The following PTPRD variants were observed in gnomAD, a reference collection of about 807,000 sequenced individuals.
The protein encoded by PTPRD is protein tyrosine phosphatase receptor type D.
Under a neutral mutation model 214.5 loss-of-function variants are expected in PTPRD, and 34 were observed. The observed-to-expected ratio is 0.16, with a 90% confidence interval of 0.12 to 0.21. PTPRD has a LOEUF of 0.21. Among genes scored for constraint, PTPRD ranks in the 10% least tolerant of loss-of-function variants. The pLI, the probability that PTPRD is intolerant of heterozygous loss-of-function variation, is 1.00. For missense variants in PTPRD, 2,545 were observed against 2,398.7 expected (o/e 1.06, Z -1.27); for synonymous variants, 1,128 against 845.7 (o/e 1.33, Z -5.79).
At chr9:8,769,967 CTA>C (rs1451049224) in intron 11 of PTPRD, among the ~76,000 whole-genome samples, 1 of 152,134 alleles carries the variant, frequency 6.6e-6, no homozygotes, top group Non-Finnish European at 1.5e-5. Context: ...GCTAAGACAG[CTA>C]TGAGTGAAAA....
chr9:10,483,224 T>C (rs751729953), intron 2 of PTPRD, among the ~76,000 whole-genome samples: 8 of 152,132 alleles, frequency 5.3e-5, no homozygotes, highest in Non-Finnish European at 8.8e-5. Context: ...GAAAATTGGA[T>C]AGCCACGTGT....
intron 3 of PTPRD, among the ~76,000 whole-genome samples, chr9:10,255,359 T>C (rs760837065): frequency 1.6e-4 from 24 of 152,316 alleles, no homozygotes; most frequent in Non-Finnish European, 2.9e-4. Context: ...TATAGCATGT[T>C]AATACTGAAT....
intron 17 of PTPRD, 198 bp from the exon 18 acceptor site, chr9:8,525,233 T>A (rs2073781984): frequency 1.4e-6 from 1 of 705,670 alleles, no homozygotes. Context: ...TTTTTTTACA[T>A]CATCAATGCT....
chr9:10,025,466 C>T (rs2096906057), intron 4 of PTPRD, among the ~76,000 whole-genome samples: 1 of 151,826 alleles, frequency 6.6e-6, no homozygotes, highest in Admixed American at 6.6e-5. Flanking sequence ...TGTAGATGTA[C>T]ATAACCATAA....
rs1455539386 is a variant in PTPRD at position 8,725,664 on chromosome 9, T to G, written c.64+8116A>C. Among the ~76,000 whole-genome samples the G allele has an allele frequency of 1.3e-5, 2 of 152,176 alleles. 1 individual carries two copies. The highest frequency in any genetic ancestry group is 1.3e-4 in the Admixed American group (2 of 15,276). On this transcript the variant is annotated intron_variant, in intron 12 of 45. Transcript: ENST00000381196. ...TTTAGTGAATATTTAATCCTATTAT[T>G]CAAAATGCTTTACAAACAGTTATTT...
chr9:9,133,970 G>A (rs2099846833), intron 10 of PTPRD, among the ~76,000 whole-genome samples: 2 of 150,456 alleles, frequency 1.3e-5, no homozygotes, highest in African/African-American at 4.9e-5. Flanking sequence ...TAACATTTGT[G>A]AAATTCCACA....
intron 9 of PTPRD, among the ~76,000 whole-genome samples, chr9:9,253,005 C>T (rs1262767311): frequency 9.2e-5 from 14 of 152,026 alleles, no homozygotes; most frequent in Admixed American, 9.2e-4. Context: ...AGAATTTGCT[C>T]ATCAAGGAAA....
At chr9:8,891,008 G>A (rs923237938) in intron 11 of PTPRD, among the ~76,000 whole-genome samples, 2 of 152,048 alleles carry the variant, frequency 1.3e-5, no homozygotes, top group Non-Finnish European at 2.9e-5. Flanking sequence ...TAAGTCATGG[G>A]GTTTTTGAAG....
chr9:9,882,989 G>T (rs1488441940), intron 5 of PTPRD, among the ~76,000 whole-genome samples: 1 of 152,072 alleles, frequency 6.6e-6, no homozygotes, highest in African/African-American at 2.4e-5. Flanking sequence ...CTATCCCTTT[G>T]CATTCTGCCA....
chr9:8,630,387 C>T (rs1469533676), intron 14 of PTPRD, among the ~76,000 whole-genome samples: 1 of 151,742 alleles, frequency 6.6e-6, no homozygotes, highest in African/African-American at 2.4e-5. Context: ...TCAGTTTACA[C>T]TGGAATATTA....
chr9:9,649,897 TA>T (rs541576437), intron 7 of PTPRD, among the ~76,000 whole-genome samples: 32 of 152,172 alleles, frequency 2.1e-4, no homozygotes, highest in Admixed American at 2.0e-4. Flanking sequence ...GAAATAAATA[TA>T]TTTGGAGCAA....
rs567708300 is a variant in PTPRD, at chr9:10,274,248, C to A, written c.-545+66715G>T. 4.6e-5 allele frequency among the ~76,000 whole-genome samples: 7 copies of A among 152,166 alleles called. No individual in the cohort carries two copies. The South Asian group carries it at 1.5e-3, about 32-fold the overall frequency. On this transcript the variant is annotated intron_variant, in intron 3 of 45. Transcript: ENST00000381196. Reference sequence around the variant, plus strand: ...TCCAATTTGAACTGTTTATTAATAACTTTTGTATGTGACATTGGGGAGAAA... The same window carrying A: ...TCCAATTTGAACTGTTTATTAATAAATTTTGTATGTGACATTGGGGAGAAA...
Position 10,572,181 on chromosome 9 carries a change from T to C in PTPRD, c.-600+40217A>G, listed in dbSNP as rs149794095. Among the ~76,000 whole-genome samples the C allele has an allele frequency of 3.5e-3, 534 of 152,254 alleles. 3 individuals carry two copies. The highest frequency in any genetic ancestry group is 0.012 in the African/African-American group (504 of 41,546). On this transcript the variant is annotated intron_variant, in intron 2 of 45. Coordinates refer to ENST00000381196, the MANE Select transcript of PTPRD (RefSeq NM_002839.4). ...ACTCATGTACCTGCATAGTAAAGTA[T>C]AGAATTTTTGGAAAATCATTAACTC... is the stretch of plus-strand genomic sequence containing the variant.
chr9:9,671,503 A>AT (rs982010568), intron 7 of PTPRD, among the ~76,000 whole-genome samples: 8 of 151,968 alleles, frequency 5.3e-5, no homozygotes, highest in African/African-American at 1.9e-4. Context: ...GAGGACTGAG[A>AT]TTTGGAGGGG....
chr9:8,957,589 G>A (rs899548061), intron 11 of PTPRD, among the ~76,000 whole-genome samples: 1 of 151,736 alleles, frequency 6.6e-6, no homozygotes, highest in African/African-American at 2.4e-5. Context: ...TGCATTTATT[G>A]CACGATTCCT....
At chr9:9,454,110 T>C (rs941703761) in intron 8 of PTPRD, among the ~76,000 whole-genome samples, 1 of 151,760 alleles carries the variant, frequency 6.6e-6, no homozygotes, top group African/African-American at 2.4e-5. Context: ...ATGTTTACTA[T>C]GTAAAATGAG....
intron 7 of PTPRD, among the ~76,000 whole-genome samples, chr9:9,655,685 T>C (rs2096493367): frequency 6.7e-6 from 1 of 149,528 alleles, no homozygotes; most frequent in Non-Finnish European, 1.5e-5. Context: ...CACCATAAAA[T>C]AAATGAAAAG....
intron 10 of PTPRD, among the ~76,000 whole-genome samples, chr9:9,072,408 A>G (rs542438231): frequency 2.5e-4 from 38 of 152,176 alleles, no homozygotes; most frequent in Non-Finnish European, 4.7e-4. Flanking sequence ...TGTCATTTGG[A>G]AGCCAATGTT....
At chr9:9,845,412 A>G (rs1412474585) in intron 5 of PTPRD, among the ~76,000 whole-genome samples, 1 of 151,866 alleles carries the variant, frequency 6.6e-6, no homozygotes. Context: ...CCACCAGGGC[A>G]TAGATTAGAC....
Sources: allele counts gnomAD v4.1 joint callset (sites outside exome capture counted in the v4.1 genomes callset), GRCh38; gene constraint gnomAD v4.1.1; transcripts MANE v1.5; gene names NCBI Gene and HGNC (gene_info 2026-07-23, HGNC 2026-07-21).